The following NEDD4L variants were observed in gnomAD, a reference collection of about 807,000 sequenced individuals.
The protein encoded by NEDD4L is NEDD4 like E3 ubiquitin protein ligase.
In NEDD4L, 54 loss-of-function variants were observed where a neutral mutation model predicts 148.9. The observed-to-expected ratio is 0.36, with a 90% CI of 0.29 to 0.45. The LOEUF is 0.45. Among genes scored for constraint, NEDD4L ranks in the 20% least tolerant of loss-of-function variants. The probability of loss-of-function intolerance (pLI) is 1.00; values close to 1 mark genes in which losing one functional copy is unlikely to be tolerated. For missense variants in NEDD4L, 856 were observed against 1,233.8 expected (o/e 0.69, Z 4.59); for synonymous variants, 433 against 440.7 (o/e 0.98, Z 0.22).
chr18:58,088,882 GA>G (rs1181614014), intron 1 of NEDD4L, among the ~76,000 whole-genome samples: 1 of 151,890 alleles, frequency 6.6e-6, no homozygotes, highest in African/African-American at 2.4e-5. Context: ...TTACTTGTGG[GA>G]AAAAAAGCCA....
intron 3 of NEDD4L, among the ~76,000 whole-genome samples, chr18:58,246,554 T>G (rs977927640): frequency 6.6e-6 from 1 of 152,204 alleles, no homozygotes; most frequent in Non-Finnish European, 1.5e-5. Context: ...AACCTTTGCC[T>G]CCTGGGTTCA....
intron 2 of NEDD4L, among the ~76,000 whole-genome samples, chr18:58,180,405 T>C (rs549672276): frequency 5.6e-4 from 86 of 152,318 alleles, no homozygotes; most frequent in African/African-American, 2.0e-3. Context: ...CTGATAGGCC[T>C]TCAGCGCCGC....
intron 1 of NEDD4L, among the ~76,000 whole-genome samples, chr18:58,140,457 C>G (rs201359521): frequency 3.3e-3 from 414 of 126,640 alleles, no homozygotes; most frequent in Middle Eastern, 4.6e-3. Context: ...TCATAGTAAT[C>G]AGTGGATTCT....
chr18:58,081,753 ACTTAC>A (rs2083444294), intron 1 of NEDD4L, among the ~76,000 whole-genome samples: 1 of 152,046 alleles, frequency 6.6e-6, no homozygotes, highest in Non-Finnish European at 1.5e-5. Context: ...GCTTCGGAGC[ACTTAC>A]CTTAATTATT....
At chr18:58,085,299 A>G (rs987809887) in intron 1 of NEDD4L, among the ~76,000 whole-genome samples, 2 of 152,124 alleles carry the variant, frequency 1.3e-5, no homozygotes, top group Non-Finnish European at 2.9e-5. Context: ...GCAGGTGTGC[A>G]CAGAGGTATG....
At chr18:58,237,825 G>A (rs568151357) in intron 2 of NEDD4L, among the ~76,000 whole-genome samples, 3 of 152,162 alleles carry the variant, frequency 2.0e-5, no homozygotes, top group African/African-American at 7.2e-5. Context: ...TCTCCCAGGG[G>A]TCTCTGTGAC....
rs139895997 is a variant in NEDD4L, at chr18:58,177,381, T to C, written c.122+11520T>C. 4.0e-3 allele frequency among the ~76,000 whole-genome samples: 611 copies of C among 152,292 alleles called. 4 individuals are homozygous for C. Among genetic ancestry groups the C allele is most frequent in the African/African-American group, 0.014 (592 of 41,556 alleles). On this transcript the variant is annotated intron_variant, in intron 2 of 30. Coordinates refer to ENST00000400345, the MANE Select transcript of NEDD4L (RefSeq NM_001144967.3). ...AATGTGTAAGACAATGAGGAAAATA[T>C]TTATTTAACAAAAATTGAACTACCA...
intron 1 of NEDD4L, among the ~76,000 whole-genome samples, chr18:58,107,756 G>A (rs532334390): frequency 1.2e-4 from 18 of 151,568 alleles, no homozygotes; most frequent in African/African-American, 3.9e-4. Flanking sequence ...AGAGTCAGTC[G>A]TGGACAAAGA....
At chr18:58,219,274 A>G (rs1669463596) in intron 2 of NEDD4L, among the ~76,000 whole-genome samples, 1 of 152,202 alleles carries the variant, frequency 6.6e-6, no homozygotes, top group South Asian at 2.1e-4. Context: ...TTTCCCTTCC[A>G]GAATGAGGCT....
intron 1 of NEDD4L, among the ~76,000 whole-genome samples, chr18:58,123,412 C>T (rs1260061345): frequency 6.6e-6 from 1 of 152,146 alleles, no homozygotes; most frequent in Non-Finnish European, 1.5e-5. Flanking sequence ...AATCTGTGGA[C>T]CCACCACCTT....
chr18:58,215,692 T>C (rs144481516), intron 2 of NEDD4L, among the ~76,000 whole-genome samples: 2 of 152,232 alleles, frequency 1.3e-5, no homozygotes, highest in Admixed American at 1.3e-4. Context: ...GTGAAAATTA[T>C]ACATTTTTCT....
At chr18:58,227,091 T>G (rs2044452860) in intron 2 of NEDD4L, among the ~76,000 whole-genome samples, 1 of 152,244 alleles carries the variant, frequency 6.6e-6, no homozygotes, top group Non-Finnish European at 1.5e-5. Context: ...CTTGCTGTGC[T>G]TCTTGTCTCT....
At chr18:58,357,161 C>G in intron 18 of NEDD4L, 33 bp from the exon 19 acceptor site, 1 of 1,283,372 alleles carries the variant, frequency 7.8e-7, no homozygotes, top group Non-Finnish European at 1.1e-6. Context: ...AACTAATGTT[C>G]TGATTTTTTT....
At position 58,256,896 on chromosome 18, in the gene NEDD4L, C is replaced by A; in HGVS notation, c.297+4842C>A. The A allele has an allele frequency of 1.1e-6, 1 of 923,656 alleles. No individual in the cohort carries two copies. Among genetic ancestry groups the A allele is most frequent in the Non-Finnish European group, 1.4e-6 (1 of 707,012 alleles). The allele number at this position is 923,656 out of a possible 1,614,324, so 57.2% of individuals were successfully genotyped here. A position where few individuals can be genotyped will look rare whatever the true frequency, so the allele number is the denominator to read the frequency against. ...GTTTCCCTGCTTCAGGCCAGTGGAT[C>A]TGAATGTTTGGCCGAGTTCTGGCAC... On this transcript the variant is annotated intron_variant, in intron 5 of 30. Coordinates refer to ENST00000400345, the MANE Select transcript of NEDD4L (RefSeq NM_001144967.3). The surrounding 1 kb of genome is among the most constrained non-coding windows in gnomAD (Gnocchi z 5.2).
chr18:58,313,317 T>G (rs961890610), intron 5 of NEDD4L, among the ~76,000 whole-genome samples: 2 of 152,246 alleles, frequency 1.3e-5, no homozygotes, highest in East Asian at 3.8e-4. Context: ...AAGTGTAGTT[T>G]CCTGGCTTTT....
intron 1 of NEDD4L, among the ~76,000 whole-genome samples, chr18:58,161,442 T>C (rs1320928400): frequency 2.0e-5 from 3 of 151,394 alleles, no homozygotes; most frequent in Non-Finnish European, 2.9e-5. Context: ...TTTCTTTTTT[T>C]TTTTTTTTTT....
chr18:58,378,283 T>C (rs2047839735), intron 24 of NEDD4L, among the ~76,000 whole-genome samples: 1 of 152,190 alleles, frequency 6.6e-6, no homozygotes, highest in Non-Finnish European at 1.5e-5. Flanking sequence ...CTGTTAAGAT[T>C]TCATGGAGAG....
At chr18:58,316,585 C>T (rs929056272) in intron 6 of NEDD4L, among the ~76,000 whole-genome samples, 24 of 152,266 alleles carry the variant, frequency 1.6e-4, no homozygotes, top group Admixed American at 2.0e-4. Context: ...CGCTGGAACA[C>T]GCACTGAGTT....
intron 5 of NEDD4L, among the ~76,000 whole-genome samples, chr18:58,275,633 C>T (rs2051795092): frequency 6.6e-6 from 1 of 152,176 alleles, no homozygotes; most frequent in Non-Finnish European, 1.5e-5. Context: ...GCCGCTGCAC[C>T]AGCCTGCCCC....
Sources: gnomAD v4.1 joint callset for allele counts (sites outside exome capture counted in the v4.1 genomes callset) on GRCh38, gnomAD v4.1.1 for gene constraint, Gnocchi (gnomAD v3.1) non-coding constraint, MANE v1.5 for transcripts, NCBI Gene and HGNC (gene_info 2026-07-23, HGNC 2026-07-21) for gene names.